The following CTNND2 variants were observed in gnomAD, a reference collection of about 807,000 sequenced individuals.
The protein encoded by CTNND2 is catenin delta-2.
A neutral mutation model predicts 144.4 loss-of-function variants in CTNND2; 22 were observed. That is an observed-to-expected ratio of 0.15 (90% CI 0.11 to 0.22). The LOEUF (loss-of-function observed/expected upper bound fraction) is 0.22. Ranked by LOEUF, CTNND2 falls within the 10% of genes least tolerant of loss-of-function variation. The probability of loss-of-function intolerance (pLI) is 1.00; values close to 1 mark genes in which losing one functional copy is unlikely to be tolerated. For synonymous variants in CTNND2, 751 were observed against 695.6 expected, an observed-to-expected ratio of 1.08 and a Z score of -1.25; for missense variants, 1,353 against 1,618.8, an observed-to-expected ratio of 0.84 and a Z score of 2.82.
intron 20 of CTNND2, among the ~76,000 whole-genome samples, chr5:10,983,376 T>A (rs1469347947): frequency 2.0e-5 from 3 of 152,182 alleles, no homozygotes; most frequent in Non-Finnish European, 4.4e-5. Context: ...GGGCTCATTG[T>A]TTGCTTCCAG....
At chr5:11,446,846 A>G (rs897647189) in intron 3 of CTNND2, among the ~76,000 whole-genome samples, 8 of 152,034 alleles carry the variant, frequency 5.3e-5, no homozygotes, top group African/African-American at 1.4e-4. Context: ...AAGTTTCTCA[A>G]AGATGTTGGT....
chr5:11,311,843 T>A (rs1167992850), intron 9 of CTNND2, among the ~76,000 whole-genome samples: 1 of 102,694 alleles, frequency 9.7e-6, no homozygotes, highest in Non-Finnish European at 2.0e-5. Context: ...ACACTCCCCA[T>A]ACACCCTCAC....
intron 2 of CTNND2, among the ~76,000 whole-genome samples, chr5:11,645,477 C>A (rs1251961428): frequency 6.6e-6 from 1 of 152,168 alleles, no homozygotes; most frequent in African/African-American, 2.4e-5. Context: ...CCACTTCTTC[C>A]TATAGTTATG....
chr5:11,599,970 G>A (rs1779699369), intron 2 of CTNND2, among the ~76,000 whole-genome samples: 1 of 152,140 alleles, frequency 6.6e-6, no homozygotes, highest in South Asian at 2.1e-4. Flanking sequence ...ATGCATCAAG[G>A]TACCTACTTT....
chr5:10,982,427 C>T (rs957480306), intron 20 of CTNND2, among the ~76,000 whole-genome samples: 1 of 152,208 alleles, frequency 6.6e-6, no homozygotes, highest in Non-Finnish European at 1.5e-5. Context: ...GCTTGCCTGT[C>T]GTCTAGACGA....
chr5:11,097,058 T>C (rs1185048830), intron 15 of CTNND2, among the ~76,000 whole-genome samples: 1 of 152,164 alleles, frequency 6.6e-6, no homozygotes, highest in African/African-American at 2.4e-5. Flanking sequence ...TTGTGACTGA[T>C]GTGCATGATG....
chr5:11,875,824 A>G (rs1326480961), intron 1 of CTNND2, among the ~76,000 whole-genome samples: 1 of 152,216 alleles, frequency 6.6e-6, no homozygotes, highest in Non-Finnish European at 1.5e-5. Context: ...TAGACTCAAG[A>G]CTATACTAGG....
chr5:11,633,059 T>C (rs1304704507), intron 2 of CTNND2, among the ~76,000 whole-genome samples: 4 of 152,094 alleles, frequency 2.6e-5, no homozygotes, highest in Admixed American at 2.0e-4. Context: ...ACAGGAGAGA[T>C]AGAGAGAAGG....
intron 9 of CTNND2, among the ~76,000 whole-genome samples, chr5:11,240,138 C>A (rs1453972770): frequency 6.7e-6 from 1 of 149,258 alleles, no homozygotes; most frequent in Admixed American, 6.7e-5. Flanking sequence ...AACACACACA[C>A]CCAACACACA....
At chr5:11,641,398 T>G (rs1314375285) in intron 2 of CTNND2, among the ~76,000 whole-genome samples, 1 of 151,564 alleles carries the variant, frequency 6.6e-6, no homozygotes, top group Non-Finnish European at 1.5e-5. Flanking sequence ...GAAAAGACAT[T>G]TAATCTCTTT....
chr5:11,396,617 C>CA (rs1760162765), intron 6 of CTNND2, among the ~76,000 whole-genome samples: 1 of 152,108 alleles, frequency 6.6e-6, no homozygotes, highest in African/African-American at 2.4e-5. Flanking sequence ...ATATTGATAT[C>CA]AAAAACCACA....
intron 2 of CTNND2, among the ~76,000 whole-genome samples, chr5:11,689,300 C>T (rs1210727546): frequency 6.6e-6 from 1 of 152,132 alleles, no homozygotes; most frequent in Non-Finnish European, 1.5e-5. Flanking sequence ...AGATTTGTTA[C>T]AGAATAAATA....
chr5:11,133,817 C>G (rs761541210), intron 12 of CTNND2, among the ~76,000 whole-genome samples: 2 of 152,316 alleles, frequency 1.3e-5, no homozygotes, highest in South Asian at 4.1e-4. Context: ...CTCGAAGATT[C>G]TGCATTTTAA....
At chr5:11,055,373 CTT>C in intron 16 of CTNND2, among the ~76,000 whole-genome samples, 1 of 152,318 alleles carries the variant, frequency 6.6e-6, no homozygotes, top group East Asian at 1.9e-4. Context: ...GAGACTGACT[CTT>C]AGCCCTGGGG....
At chr5:11,110,551 C>T (rs1411734538) in intron 14 of CTNND2, among the ~76,000 whole-genome samples, 2 of 152,254 alleles carry the variant, frequency 1.3e-5, no homozygotes, top group Non-Finnish European at 2.9e-5. Flanking sequence ...CCGACAATGC[C>T]CTAAGTAAAT....
intron 1 of CTNND2, among the ~76,000 whole-genome samples, chr5:11,776,945 ACTC>A (rs1344198272): frequency 6.6e-6 from 1 of 152,146 alleles, no homozygotes; most frequent in South Asian, 2.1e-4. Flanking sequence ...GGACATCCAC[ACTC>A]CTAATAAAAA....
chr5:11,084,307 C>A (rs1026953692), intron 15 of CTNND2, among the ~76,000 whole-genome samples: 4 of 152,108 alleles, frequency 2.6e-5, no homozygotes, highest in Non-Finnish European at 4.4e-5. Flanking sequence ...TGGTACAATG[C>A]CAATTTCCAT....
intron 18 of CTNND2, among the ~76,000 whole-genome samples, chr5:10,993,753 A>C (rs1047576500): frequency 6.6e-6 from 1 of 152,082 alleles, no homozygotes; most frequent in Non-Finnish European, 1.5e-5. Context: ...GCTTTATCCT[A>C]TCAGTCAAGT....
chr5:11,199,804 AT>A (rs1306024034), intron 10 of CTNND2, 143 bp from the exon 11 acceptor site: 1 of 628,610 alleles, frequency 1.6e-6, no homozygotes, highest in African/African-American at 1.8e-5. Context: ...CAAGAAAAAA[AT>A]AAGTGTTTGC....
Sources: gnomAD v4.1 joint callset for allele counts (sites outside exome capture counted in the v4.1 genomes callset) on GRCh38, gnomAD v4.1.1 for gene constraint, MANE v1.5 for transcripts, NCBI Gene and HGNC (gene_info 2026-07-23, HGNC 2026-07-21) for gene names.